The following ME1 variants were observed in gnomAD, a reference collection of about 807,000 sequenced individuals.
The protein encoded by ME1 is NADP-dependent malic enzyme.
A neutral mutation model predicts 66.4 loss-of-function variants in ME1; 74 were observed. The observed-to-expected ratio is 1.11, with a 90% CI of 0.92 to 1.35. The LOEUF (loss-of-function observed/expected upper bound fraction) is 1.35, where lower values mean the gene tolerates loss of function less well. Ranked by LOEUF, ME1 falls within the 40% of genes most tolerant of loss-of-function variation. The probability of loss-of-function intolerance (pLI) is 0.00; values close to 1 mark genes in which losing one functional copy is unlikely to be tolerated. For synonymous variants in ME1, 251 were observed against 235.6 expected, an observed-to-expected ratio of 1.07 and a Z score of -0.60; for missense variants, 750 against 694.1, an observed-to-expected ratio of 1.08 and a Z score of -0.90.
At chr6:83,329,520 C>G (rs1288119890) in intron 5 of ME1, among the ~76,000 whole-genome samples, 2 of 152,084 alleles carry the variant, frequency 1.3e-5, no homozygotes, top group Non-Finnish European at 2.9e-5. Flanking sequence ...AATAAGGTAT[C>G]TTTTCATATC....
rs1319935152 is a variant in ME1, at chr6:83,407,790, G to C, written c.190C>G (p.His64Asp). ...TACCTGTCAAAGTCAGAGTTCAGAT[G>C]CTCGAAATTTTTTACTACTCTAAGA... is the stretch of plus-strand genomic sequence containing the variant. ...QVLRVVKNFE[H>D]LNSDFDRYLL... Residue 64 changes from histidine to aspartate, a missense_variant, in exon 2 of 14, where the codon CAT becomes GAT. Coordinates refer to ENST00000369705, the MANE Select transcript of ME1 (RefSeq NM_002395.6). 1 of 1,608,180 alleles carries C rather than the reference G, an allele frequency of 6.2e-7. No homozygotes were observed. Among genetic ancestry groups the C allele is most frequent in the East Asian group, 2.2e-5 (1 of 44,792 alleles).
chr6:83,253,690 A>G lies in ME1; in HGVS notation c.753T>C (p.Asn251=), dbSNP rs1409293792. 6.2e-7 allele frequency: 1 copy of G among 1,611,658 alleles called. No individual in the cohort carries two copies. The highest frequency in any genetic ancestry group is 8.5e-7 in the Non-Finnish European group (1 of 1,178,370). ...GATACTTGTTCAGGAGACGAAATGC[A>G]TTCACATTGGCAAAATCTTCAAACT... is the stretch of plus-strand genomic sequence containing the variant. ...LIQFEDFANV[N]AFRLLNKYRN... Residue 251 remains asparagine (N), a synonymous_variant, in exon 7 of 14, where the codon AAT becomes AAC. Transcript: ENST00000369705.
intron 5 of ME1, among the ~76,000 whole-genome samples, chr6:83,332,245 C>CA (rs1041030531): frequency 2.7e-4 from 41 of 150,862 alleles, no homozygotes; most frequent in Admixed American, 4.6e-4. Flanking sequence ...ATTTTAAAGT[C>CA]AAAAAAAACA....
chr6:83,275,492 G>C (rs1331086682), intron 6 of ME1, among the ~76,000 whole-genome samples: 1 of 120,246 alleles, frequency 8.3e-6, no homozygotes, highest in Admixed American at 8.9e-5. Context: ...TTTTGATGGA[G>C]TCTTGCTCTG....
At chr6:83,428,931 C>G (rs1770427770) in intron 1 of ME1, among the ~76,000 whole-genome samples, 1 of 152,004 alleles carries the variant, frequency 6.6e-6, no homozygotes, top group Non-Finnish European at 1.5e-5. Context: ...TCCTTAATTC[C>G]TAGTAACCTT....
At chr6:83,226,309 T>C (rs1790198029) in intron 11 of ME1, among the ~76,000 whole-genome samples, 1 of 152,194 alleles carries the variant, frequency 6.6e-6, no homozygotes, top group Non-Finnish European at 1.5e-5. Flanking sequence ...TATAGATAAG[T>C]CTCTTAACCC....
intron 3 of ME1, among the ~76,000 whole-genome samples, chr6:83,367,704 C>A (rs1318302557): frequency 4.6e-5 from 7 of 152,210 alleles, no homozygotes; most frequent in Admixed American, 4.6e-4. Flanking sequence ...AGAGTTAGGG[C>A]TTGCTCTGGA....
chr6:83,372,681 T>C (rs1769211300), intron 3 of ME1, among the ~76,000 whole-genome samples: 1 of 152,152 alleles, frequency 6.6e-6, no homozygotes, highest in African/African-American at 2.4e-5. Flanking sequence ...TTTATCTGGT[T>C]TTTCACATAT....
rs765315084 is a variant in ME1, at chr6:83,315,313, G to A, written c.701C>T (p.Ser234Phe). 3.8e-6 allele frequency: 6 copies of A among 1,585,448 alleles called. No individual in the cohort carries two copies. In the East Asian group the frequency reaches 1.3e-4, roughly 36 times the overall value. The change falls in exon 6 of 14, where the codon TCC (serine) becomes TTC (phenylalanine). Residue 234 changes from serine to phenylalanine, a missense_variant. Transcript: ENST00000369705. ...TAGGTTAAATAAAGATACATACTTG[G>A]AAGAAACTGCCTCCATGAATTCGTC... is the stretch of plus-strand genomic sequence containing the variant. ...FLDEFMEAVS[S>F]KYGMNCLIQF...
chr6:83,310,648 G>A (rs1583372473), intron 6 of ME1, among the ~76,000 whole-genome samples: 1 of 152,032 alleles, frequency 6.6e-6, no homozygotes, highest in East Asian at 1.9e-4. Context: ...ACTCACCAGA[G>A]GTGAGTTGAG....
At chr6:83,354,092 C>G (rs1304992072) in intron 3 of ME1, among the ~76,000 whole-genome samples, 1 of 152,102 alleles carries the variant, frequency 6.6e-6, no homozygotes, top group Non-Finnish European at 1.5e-5. Flanking sequence ...CCTCTCTTCT[C>G]CAGCTACACT....
intron 9 of ME1, among the ~76,000 whole-genome samples, chr6:83,236,045 AT>A (rs751675138): frequency 6.6e-6 from 1 of 152,104 alleles, no homozygotes; most frequent in Non-Finnish European, 1.5e-5. Flanking sequence ...TGTATTTTAA[AT>A]AAAAAATAAT....
chr6:83,296,959 A>AT lies in ME1; in HGVS notation c.704+18350dup, dbSNP rs1470056155. Among the ~76,000 whole-genome samples, 6 of 152,308 alleles carry AT rather than the reference A, an allele frequency of 3.9e-5. No homozygotes were observed. The East Asian group carries it at 1.2e-3, about 29-fold the overall frequency. On this transcript the variant is annotated intron_variant, in intron 6 of 13. Transcript: ENST00000369705. ...ACTGGTTGTATCATAAAATTCAGTG[A>AT]TTCAGTGATACCTGTGATCATTATG...
chr6:83,347,159 AGC>A (rs1768703654), intron 4 of ME1, among the ~76,000 whole-genome samples: 1 of 152,028 alleles, frequency 6.6e-6, no homozygotes, highest in African/African-American at 2.4e-5. Context: ...TCACCATGTT[AGC>A]CAGGCTGGTA....
In ME1 at chr6:83,212,059, T is replaced by C. The variant is rs139619703; in HGVS notation, c.1584A>G (p.Thr528=). The C allele has an allele frequency of 5.6e-6, 9 of 1,609,644 alleles. No individual in the cohort carries two copies. In the African/African-American group the frequency reaches 9.3e-5, roughly 17 times the overall value. The change falls in exon 14 of 14, where the codon ACA becomes ACG. Residue 528 remains threonine, a synonymous_variant. Coordinates refer to ENST00000369705, the MANE Select transcript of ME1 (RefSeq NM_002395.6). ...VKDAYQEKTA[T]VYPEPQNKEA... Reference sequence around the variant, plus strand: ...CTTTGTTTTGCGGTTCAGGATAAACTGTGGCTGTCTTTTCTTGGTATGCAT... The same window carrying C: ...CTTTGTTTTGCGGTTCAGGATAAACCGTGGCTGTCTTTTCTTGGTATGCAT...
intron 5 of ME1, among the ~76,000 whole-genome samples, chr6:83,327,893 G>A (rs1355897947): frequency 6.6e-6 from 1 of 152,000 alleles, no homozygotes; most frequent in Non-Finnish European, 1.5e-5. Flanking sequence ...TCTCTCTTCT[G>A]TACTCTGTCC....
chr6:83,251,633 G>C (rs778413856), intron 7 of ME1, among the ~76,000 whole-genome samples: 8 of 152,174 alleles, frequency 5.3e-5, no homozygotes, highest in Non-Finnish European at 1.0e-4. Context: ...TGTCATAATT[G>C]AGATGAGATT....
At chr6:83,282,433 T>C (rs1207720156) in intron 6 of ME1, among the ~76,000 whole-genome samples, 3 of 151,952 alleles carry the variant, frequency 2.0e-5, no homozygotes, top group Admixed American at 2.0e-4. Flanking sequence ...ACAAACAATC[T>C]CATCAAAAAG....
intron 6 of ME1, among the ~76,000 whole-genome samples, chr6:83,308,304 CTATT>C (rs10551667): frequency 0.055 from 8,383 of 151,870 alleles, 772 homozygotes; most frequent in African/African-American, 0.19. Context: ...TGAATATTAG[CTATT>C]TATTCCATTT....
Sources: allele counts gnomAD v4.1 joint callset (sites outside exome capture counted in the v4.1 genomes callset), GRCh38; gene constraint gnomAD v4.1.1; transcripts MANE v1.5; gene names NCBI Gene and HGNC (gene_info 2026-07-23, HGNC 2026-07-21).